CCT2: variants seen among roughly 807,000 people sequenced by gnomAD.
CCT2 encodes chaperonin containing TCP1 subunit 2.
CCT2 carries 18 observed loss-of-function variants against 61.8 expected under a neutral mutation model. The observed-to-expected ratio is 0.29, with a 90% CI of 0.20 to 0.43. CCT2 has a LOEUF of 0.43. Ranked by LOEUF, CCT2 falls within the 20% of genes least tolerant of loss-of-function variation. CCT2 has a pLI of 1.00. For missense variants in CCT2, 556 were observed against 656.9 expected (o/e 0.85, Z 1.68); for synonymous variants, 248 against 215.9 (o/e 1.15, Z -1.30).
intron 3 of CCT2, 57 bp downstream of exon 3, chr12:69,586,875 A>C (rs1161723798): frequency 2.0e-6 from 2 of 1,012,468 alleles, no homozygotes; most frequent in African/African-American, 3.3e-5. Context: ...CTTGGTGGAA[A>C]TATAATAACA....
intron 15 of CCT2, 118 bp downstream of exon 15, chr12:69,600,122 G>GT: frequency 1.0e-6 from 1 of 965,666 alleles, no homozygotes; most frequent in Non-Finnish European, 1.5e-6. Context: ...ATAAAAGTAT[G>GT]TAAGTTATTT....
At chr12:69,599,002 T>A (rs181724659) in intron 14 of CCT2, among the ~76,000 whole-genome samples, 1 of 152,108 alleles carries the variant, frequency 6.6e-6, no homozygotes, top group South Asian at 2.1e-4. Flanking sequence ...AGGTAACTTA[T>A]GAATTTTCTT....
In CCT2 at chr12:69,592,949, G is replaced by T. The variant is rs770754731; in HGVS notation, c.751-27G>T. 11 of 1,601,880 alleles carry T rather than the reference G, an allele frequency of 6.9e-6. No individual in the cohort carries two copies. In the East Asian group the frequency reaches 2.2e-4, roughly 33 times the overall value. On this transcript the variant is annotated intron_variant, in intron 8 of 15. Coordinates refer to ENST00000299300, the MANE Select transcript of CCT2 (RefSeq NM_006431.3). ...TCTCAAAAAAAATAATGAAACTGATGCTCTCTTTATGCTTCGTTTGTCTTA... is the reference window on the plus strand; with the variant it reads ...TCTCAAAAAAAATAATGAAACTGATTCTCTCTTTATGCTTCGTTTGTCTTA...
intron 14 of CCT2, among the ~76,000 whole-genome samples, chr12:69,598,757 T>C (rs1882067815): frequency 6.6e-6 from 1 of 152,242 alleles, no homozygotes; most frequent in African/African-American, 2.4e-5. Flanking sequence ...TAACTTCTAA[T>C]TTCATAGTAA....
chr12:69,599,409 T>G (rs1043706767), intron 14 of CCT2, among the ~76,000 whole-genome samples: 2 of 150,750 alleles, frequency 1.3e-5, no homozygotes, highest in Admixed American at 6.6e-5. Context: ...TTTTTTGAGA[T>G]AGAGTTTCAC....
At position 69,597,692 on chromosome 12, in the gene CCT2, CAG is replaced by C. The variant is rs779936630; in HGVS notation, c.1159_1160del (p.Glu387LysfsTer5). 1 of 1,613,632 alleles carries C rather than the reference CAG, an allele frequency of 6.2e-7. No individual in the cohort carries two copies. The highest frequency in any genetic ancestry group is 8.5e-7 in the Non-Finnish European group (1 of 1,179,608). ...GCCACTCAACAAATTTTAGATGAAG[CAG>C]AAAGATCATTGCATGATGCTCTTTG... On this transcript the variant is annotated frameshift_variant, in exon 12 of 16. Transcript: ENST00000299300. LOFTEE classifies it high-confidence loss of function.
At position 69,598,040 on chromosome 12, in the gene CCT2, C is replaced by G. The variant is rs1251813239; in HGVS notation, c.1304C>G (p.Ala435Gly). ...ANRTPGKEAV[A>G]MESYAKALRM... ...AGAACACCAGGCAAAGAAGCTGTTG[C>G]AATGGAGTCTTATGCTAAAGCACTG... The change falls in exon 13 of 16, where the codon GCA becomes GGA. Residue 435 changes from alanine (A) to glycine (G), a missense_variant. This residue lies in a region of CCT2 where 225 missense variants were observed against 249.8 expected (regional missense o/e 0.90). Transcript: ENST00000299300. 3.1e-6 allele frequency: 5 copies of G among 1,613,324 alleles called. No individual in the cohort carries two copies. Among genetic ancestry groups the G allele is most frequent in the South Asian group, 1.1e-5 (1 of 91,040 alleles).
intron 6 of CCT2, among the ~76,000 whole-genome samples, chr12:69,588,693 C>T (rs1249130542): frequency 3.3e-5 from 5 of 152,116 alleles, no homozygotes; most frequent in South Asian, 2.1e-4. Flanking sequence ...TGTGACGTTG[C>T]GACATAGCCC....
intron 10 of CCT2, among the ~76,000 whole-genome samples, chr12:69,594,418 C>T (rs543482141): frequency 1.6e-4 from 24 of 152,206 alleles, no homozygotes; most frequent in Non-Finnish European, 3.4e-4. Context: ...AAGTAATAAA[C>T]GTTAGCATAC....
intron 1 of CCT2, chr12:69,585,943 C>G (rs1881638182): frequency 3.1e-6 from 4 of 1,279,418 alleles, no homozygotes; most frequent in Non-Finnish European, 4.0e-6. Context: ...GCCCGGCAGG[C>G]GTCACCTTGA....
At chr12:69,591,923 C>CAAG in intron 7 of CCT2, 136 bp from the exon 8 acceptor site, 1 of 526,412 alleles carries the variant, frequency 1.9e-6, no homozygotes, top group Non-Finnish European at 3.5e-6. Context: ...TGCTTTTATG[C>CAAG]CTTCTAAGAG....
intron 1 of CCT2, chr12:69,586,051 C>T: frequency 1.4e-6 from 2 of 1,381,942 alleles, no homozygotes; most frequent in Non-Finnish European, 1.9e-6. Context: ...TTTATACTCC[C>T]GGGGGCCTTG....
chr12:69,598,174 T>G, intron 13 of CCT2, 103 bp downstream of exon 13: 1 of 1,008,250 alleles, frequency 9.9e-7, no homozygotes, highest in Non-Finnish European at 1.5e-6. Flanking sequence ...TAAATTTGAT[T>G]CTGGAGTTTC....
At chr12:69,592,313 TAAA>T (rs201121457) in intron 8 of CCT2, 154 bp downstream of exon 8, 30 of 339,864 alleles carry the variant, frequency 8.8e-5, no homozygotes, top group South Asian at 1.7e-4. Context: ...CTGTCTCTAC[TAAA>T]AAAAAAAAAA....
chr12:69,591,328 C>T (rs1039000851), intron 7 of CCT2, among the ~76,000 whole-genome samples: 29 of 152,180 alleles, frequency 1.9e-4, no homozygotes, highest in African/African-American at 6.3e-4. Flanking sequence ...GTAACTAGCA[C>T]CTCTGCTACT....
chr12:69,597,939 C>G (rs1882038563), intron 12 of CCT2, 29 bp from the exon 13 acceptor site: 1 of 1,564,984 alleles, frequency 6.4e-7, no homozygotes, highest in Non-Finnish European at 8.8e-7. Context: ...CTAAGCATTG[C>G]AATATTTTAT....
intron 7 of CCT2, 101 bp downstream of exon 7, chr12:69,589,788 G>T: frequency 2.1e-6 from 2 of 940,236 alleles, no homozygotes; most frequent in Admixed American, 2.1e-5. Context: ...CAAAGCCAGT[G>T]AACTTGAATT....
rs1255626095 is a variant in CCT2, at chr12:69,601,282, C to G, written c.1578-13C>G. On this transcript the variant is annotated splice_polypyrimidine_tract_variant and intron_variant, in intron 15 of 15. Coordinates refer to ENST00000299300, the MANE Select transcript of CCT2 (RefSeq NM_006431.3). ...TTCATTTTTCACTATTGACTTTTTTCTTACTCTCATAGGAAACGTGTCCCT... is the reference window on the plus strand; with the variant it reads ...TTCATTTTTCACTATTGACTTTTTTGTTACTCTCATAGGAAACGTGTCCCT... The G allele has an allele frequency of 6.3e-7, 1 of 1,585,418 alleles. No individual in the cohort carries two copies. Among genetic ancestry groups the G allele is most frequent in the East Asian group, 2.2e-5 (1 of 44,696 alleles).
At chr12:69,587,828 T>C in intron 4 of CCT2, 102 bp from the exon 5 acceptor site, 1 of 968,294 alleles carries the variant, frequency 1.0e-6, no homozygotes, top group South Asian at 1.4e-5. Context: ...AATAATTTGT[T>C]GAATGAGGAA....
Sources: gnomAD v4.1 joint callset for allele counts (sites outside exome capture counted in the v4.1 genomes callset) on GRCh38, gnomAD v4.1.1 for gene constraint, gnomAD v4.1.1 regional missense constraint, MANE v1.5 for transcripts, NCBI Gene and HGNC (gene_info 2026-07-23, HGNC 2026-07-21) for gene names.